The following SMIM28 variants were observed in gnomAD, a reference collection of about 807,000 sequenced individuals.
SMIM28 encodes the protein small integral membrane protein 28.
intron 1 of SMIM28, among the ~76,000 whole-genome samples, chr6:138,379,188 T>C (rs1484086036): frequency 1.3e-5 from 2 of 152,220 alleles, no homozygotes; most frequent in African/African-American, 2.4e-5. Context: ...ATTTGTCTGA[T>C]AGCACTGGGC....
intron 1 of SMIM28, 104 bp from the exon 2 acceptor site, chr6:138,382,396 C>CAAAAA (rs59155652): frequency 1.4e-4 from 21 of 147,222 alleles, no homozygotes; most frequent in African/African-American, 3.5e-4. Flanking sequence ...GACTGTGTCT[C>CAAAAA]AAAAAAAAAA....
chr6:138,382,186 C>T (rs1774319763), intron 1 of SMIM28, among the ~76,000 whole-genome samples: 1 of 152,016 alleles, frequency 6.6e-6, no homozygotes, highest in African/African-American at 2.4e-5. Flanking sequence ...CACTTGAGGT[C>T]AGGAGTTTGA....
At chr6:138,379,956 T>C (rs897620317) in intron 1 of SMIM28, among the ~76,000 whole-genome samples, 2 of 152,206 alleles carry the variant, frequency 1.3e-5, no homozygotes, top group African/African-American at 4.8e-5. Flanking sequence ...AATATGTATT[T>C]ATTAAAATAT....
At chr6:138,381,883 A>G (rs1182496017) in intron 1 of SMIM28, among the ~76,000 whole-genome samples, 1 of 152,252 alleles carries the variant, frequency 6.6e-6, no homozygotes, top group Non-Finnish European at 1.5e-5. Context: ...CCTACTAACT[A>G]AAATTTATTT....
intron 1 of SMIM28, among the ~76,000 whole-genome samples, chr6:138,382,174 A>C (rs1447251283): frequency 6.6e-6 from 1 of 152,108 alleles, no homozygotes; most frequent in Non-Finnish European, 1.5e-5. Flanking sequence ...AGGGAGGTGA[A>C]TCACTTGAGG....
intron 1 of SMIM28, among the ~76,000 whole-genome samples, chr6:138,381,953 T>C (rs536748920): frequency 1.3e-5 from 2 of 152,382 alleles, no homozygotes; most frequent in Admixed American, 6.5e-5. Flanking sequence ...TTTTGACATA[T>C]ACTTTTCTGA....
intron 1 of SMIM28, among the ~76,000 whole-genome samples, chr6:138,381,496 C>T (rs145194205): frequency 1.3e-3 from 195 of 152,060 alleles, no homozygotes; most frequent in African/African-American, 4.4e-3. Context: ...CCATCAGGAG[C>T]CATTATAATT....
At chr6:138,381,057 C>A (rs1479966828) in intron 1 of SMIM28, among the ~76,000 whole-genome samples, 1 of 151,916 alleles carries the variant, frequency 6.6e-6, no homozygotes, top group Non-Finnish European at 1.5e-5. Flanking sequence ...TGCCCACCAC[C>A]ACGCCCTGCT....
chr6:138,378,578 C>T (rs116572533), intron 1 of SMIM28, among the ~76,000 whole-genome samples: 2,791 of 152,266 alleles, frequency 0.018, 94 homozygotes, highest in African/African-American at 0.063. Context: ...GTATTAACCA[C>T]TGTTTTTAAG....
Position 138,378,123 on chromosome 6 carries a change from G to C in SMIM28, c.51G>C (p.Arg17=), listed in dbSNP as rs1774274914. ...GGAAGAAGTTTGGACATGCTGGCCG[G>C]GGGACATATGAGTGGTTAACCAGCG... ...SSWKKFGHAG[R]GTYEWLTSEP... is the part of the protein sequence containing the mutation. Residue 17 remains arginine, a synonymous_variant, in exon 1 of 2, where the codon CGG becomes CGC. Transcript: ENST00000573100. The C allele has an allele frequency of 2.5e-5, 10 of 398,586 alleles. No individual in the cohort carries two copies. The Admixed American group carries it at 4.4e-4, about 18-fold the overall frequency. The allele number at this position is 398,586 out of a possible 1,614,324, so 24.7% of individuals were successfully genotyped here. A position where few individuals can be genotyped will look rare whatever the true frequency, so the allele number is the denominator to read the frequency against.
At chr6:138,381,430 G>A (rs761758138) in intron 1 of SMIM28, among the ~76,000 whole-genome samples, 2 of 151,426 alleles carry the variant, frequency 1.3e-5, no homozygotes, top group East Asian at 1.9e-4. Flanking sequence ...TTTTTTTAAC[G>A]TTGCTTTTCT....
At chr6:138,379,143 ATAAT>A (rs1774287881) in intron 1 of SMIM28, among the ~76,000 whole-genome samples, 1 of 152,196 alleles carries the variant, frequency 6.6e-6, no homozygotes, top group South Asian at 2.1e-4. Flanking sequence ...TATAACATAA[ATAAT>A]TAAATAAGCA....
rs762997276 is a variant in SMIM28, at chr6:138,382,617, A to T, written c.229A>T (p.Lys77Ter). The T allele has an allele frequency of 7.5e-6, 3 of 398,794 alleles. No individual in the cohort carries two copies. Among genetic ancestry groups the T allele is most frequent in the Non-Finnish European group, 1.3e-5 (3 of 226,372 alleles). 24.7% of individuals were successfully genotyped at this position (398,794 alleles called of 1,614,324 possible). Reference sequence around the variant, plus strand: ...GCTGCTGTTCCTGTACCGCCGCTGCAAGTCCCCACCGCCCCAGGGGCAGGT... The same window carrying T: ...GCTGCTGTTCCTGTACCGCCGCTGCTAGTCCCCACCGCCCCAGGGGCAGGT... ...FLLLFLYRRC[K>*]SPPPQGQVFS... Residue 77 changes from lysine to a stop codon, truncating the protein, a stop_gained, in exon 2 of 2, where the codon AAG becomes TAG. Coordinates refer to ENST00000573100, the MANE Select transcript of SMIM28 (RefSeq NM_001368163.3). LOFTEE classifies it low-confidence loss of function (END_TRUNC).
Position 138,383,218 on chromosome 6 carries a change from A to C in SMIM28, c.*371A>C, listed in dbSNP as rs184175207. ...CAGGAACAGGCTCTGAAGGGCAAGA[A>C]AAAAAACTCTGGACCAGCCAAAGGT... is the stretch of plus-strand genomic sequence containing the variant. On this transcript the variant is annotated 3_prime_UTR_variant, in exon 2 of 2. Coordinates refer to ENST00000573100, the MANE Select transcript of SMIM28 (RefSeq NM_001368163.3). 1 of 158,194 alleles carries C rather than the reference A, an allele frequency of 6.3e-6. No individual in the cohort carries two copies. Among genetic ancestry groups the C allele is most frequent in the East Asian group, 1.8e-4 (1 of 5,500 alleles). The allele number at this position is 158,194 out of a possible 1,614,324, so 9.8% of individuals were successfully genotyped here. A position where few individuals can be genotyped will look rare whatever the true frequency, so the allele number is the denominator to read the frequency against.
At chr6:138,380,563 C>G (rs1774299444) in intron 1 of SMIM28, among the ~76,000 whole-genome samples, 1 of 151,904 alleles carries the variant, frequency 6.6e-6, no homozygotes, top group Non-Finnish European at 1.5e-5. Context: ...GTCAGGAGAT[C>G]GAGACCATCC....
chr6:138,380,681 G>A (rs1268707665), intron 1 of SMIM28, among the ~76,000 whole-genome samples: 1 of 151,956 alleles, frequency 6.6e-6, no homozygotes, highest in African/African-American at 2.4e-5. Flanking sequence ...GCAGGAGAAT[G>A]GCGTGAACCT....
At chr6:138,379,546 G>C (rs1774291169) in intron 1 of SMIM28, among the ~76,000 whole-genome samples, 6 of 152,100 alleles carry the variant, frequency 3.9e-5, no homozygotes, top group Admixed American at 3.9e-4. Flanking sequence ...GATAGAGAAT[G>C]AAATAAAAAT....
chr6:138,382,965 A>G lies in SMIM28; in HGVS notation c.*118A>G, dbSNP rs1182989516. On this transcript the variant is annotated 3_prime_UTR_variant, in exon 2 of 2. Coordinates refer to ENST00000573100, the MANE Select transcript of SMIM28 (RefSeq NM_001368163.3). ...AAGAGGGAGAAGGGCCCCTAGACCC[A>G]AGAAGCTGCTATTCATTGGCCAACC... 5.0e-6 allele frequency: 2 copies of G among 396,782 alleles called. No individual in the cohort carries two copies. The highest frequency in any genetic ancestry group is 8.9e-6 in the Non-Finnish European group (2 of 225,570). The allele number at this position is 396,782 out of a possible 1,614,324, so 24.6% of individuals were successfully genotyped here. A position where few individuals can be genotyped will look rare whatever the true frequency, so the allele number is the denominator to read the frequency against.
At chr6:138,382,309 A>G (rs1254493713) in intron 1 of SMIM28, among the ~76,000 whole-genome samples, 191 bp from the exon 2 acceptor site, 1 of 147,990 alleles carries the variant, frequency 6.8e-6, no homozygotes, top group Admixed American at 6.8e-5. Flanking sequence ...AGGCAGGAGA[A>G]TTGCTTGAAC....
Sources: gnomAD v4.1 joint callset for allele counts (sites outside exome capture counted in the v4.1 genomes callset) on GRCh38, gnomAD v4.1.1 for gene constraint, MANE v1.5 for transcripts, NCBI Gene and HGNC (gene_info 2026-07-23, HGNC 2026-07-21) for gene names.